Variants in ITGA8 observed in about 807,000 individuals in gnomAD.
ITGA8 encodes the protein integrin subunit alpha 8, also known as integrin alpha-8.
Under a neutral mutation model 142.3 loss-of-function variants are expected in ITGA8, and 91 were observed. That is an observed-to-expected ratio of 0.64 (90% CI 0.54 to 0.76). The LOEUF is 0.76. Ranked by LOEUF, ITGA8 falls within the 30% of genes least tolerant of loss-of-function variation. ITGA8 has a pLI of 0.00. For missense variants in ITGA8, 1,406 were observed against 1,327.7 expected, an observed-to-expected ratio of 1.06 and a Z score of -0.92; for synonymous variants, 505 against 485.2, an observed-to-expected ratio of 1.04 and a Z score of -0.54.
At chr10:15,666,912 C>T (rs529819066) in intron 8 of ITGA8, among the ~76,000 whole-genome samples, 12 of 152,228 alleles carry the variant, frequency 7.9e-5, no homozygotes, top group South Asian at 6.2e-4. Flanking sequence ...CTGCTGGATT[C>T]GGTTTGCCAG....
chr10:15,604,358 A>G lies in ITGA8; in HGVS notation c.1971-3T>C, dbSNP rs202233017. The G allele has an allele frequency of 1.9e-3, 3,002 of 1,603,860 alleles. 6 individuals are homozygous for G. Among genetic ancestry groups the G allele is most frequent in the Non-Finnish European group, 2.3e-3 (2,731 of 1,176,272 alleles). On this transcript the variant is annotated splice_polypyrimidine_tract_variant and splice_region_variant and intron_variant, in intron 19 of 29. Coordinates refer to ENST00000378076, the MANE Select transcript of ITGA8 (RefSeq NM_003638.3). ...CAATGATTACCTGATGCTTATCTCT[A>G]AAAATGCAGTTTAAAAAGAAGGATT...
At chr10:15,570,436 C>T (rs998483550) in intron 25 of ITGA8, among the ~76,000 whole-genome samples, 3 of 147,282 alleles carry the variant, frequency 2.0e-5, no homozygotes, top group Non-Finnish European at 4.4e-5. Flanking sequence ...GGTGAAACCC[C>T]GTTTCTACTA....
intron 6 of ITGA8, 50 bp from the exon 7 acceptor site, chr10:15,672,799 C>T (rs777137317): frequency 1.3e-6 from 2 of 1,522,226 alleles, no homozygotes; most frequent in Non-Finnish European, 1.8e-6. Context: ...AAGAGGCAGG[C>T]CCTCCATGAG....
rs67683436 is a variant in ITGA8 at position 15,549,201 on chromosome 10, G to GTTTTTTTTTTT, written c.2767-644_2767-634dup. On this transcript the variant is annotated intron_variant, in intron 26 of 29. Transcript: ENST00000378076. Reference sequence around the variant, plus strand: ...TTCTTTCTTTTTTCTTTTCTTTTCTGTTTTTTTTTTTTTTTTTTTTTTTTT... The same window carrying GTTTTTTTTTTT: ...TTCTTTCTTTTTTCTTTTCTTTTCTGTTTTTTTTTTTTTTTTTTTTTTTTTTTTTTTTTTTT... Among the ~76,000 whole-genome samples the GTTTTTTTTTTT allele has an allele frequency of 1.0e-3, 108 of 107,272 alleles. 11 individuals are homozygous for GTTTTTTTTTTT. The highest frequency in any genetic ancestry group is 3.6e-3 in the African/African-American group (68 of 18,642). The allele number at this position is 107,272 out of a possible 152,430, so 70.4% of individuals were successfully genotyped here.
chr10:15,630,081 C>T (rs1289752994), intron 13 of ITGA8, among the ~76,000 whole-genome samples: 2 of 152,150 alleles, frequency 1.3e-5, no homozygotes, highest in East Asian at 3.9e-4. Context: ...GAAGGCAGAA[C>T]TAGGGTCAAG....
chr10:15,688,323 A>AT (rs397800368), intron 2 of ITGA8, among the ~76,000 whole-genome samples: 4 of 147,684 alleles, frequency 2.7e-5, no homozygotes, highest in South Asian at 4.3e-4. Context: ...AAAAAAAAAA[A>AT]TGCTGGGCGT....
At chr10:15,555,144 A>T (rs991013752) in intron 26 of ITGA8, among the ~76,000 whole-genome samples, 1 of 152,218 alleles carries the variant, frequency 6.6e-6, no homozygotes, top group South Asian at 2.1e-4. Flanking sequence ...TATTCATGTC[A>T]TAACATTTTA....
chr10:15,682,858 A>G (rs1834763640), intron 4 of ITGA8, among the ~76,000 whole-genome samples: 1 of 150,586 alleles, frequency 6.6e-6, no homozygotes, highest in Admixed American at 6.6e-5. Flanking sequence ...TGTCTCAAAA[A>G]AAAAAAAAAA....
In ITGA8 at chr10:15,608,261, G is replaced by T; in HGVS notation, c.1583C>A (p.Thr528Lys). The T allele has an allele frequency of 6.3e-7, 1 of 1,597,188 alleles. No homozygotes were observed. The change falls in exon 16 of 30, where the codon ACA (threonine) becomes AAA (lysine). Residue 528 changes from threonine (T) to lysine (K), a missense_variant. Thr to Lys is a moderately conservative substitution (Grantham distance 78). Transcript: ENST00000378076. ...CFSLRVCASV[T>K]GQSIANTIVL... ...TATTGTGTTTGCAATGCTCTGGCCTGTGACAGATGCACATACTCTTAAAGA... is the reference window on the plus strand; with the variant it reads ...TATTGTGTTTGCAATGCTCTGGCCTTTGACAGATGCACATACTCTTAAAGA...
intron 19 of ITGA8, 95 bp downstream of exon 19, chr10:15,605,629 A>G: frequency 3.1e-6 from 3 of 965,098 alleles, no homozygotes; most frequent in Non-Finnish European, 3.3e-6. Context: ...AGTTTTTGGT[A>G]GTTATTGGAA....
chr10:15,538,512 G>GGAAAAA (rs774937360), intron 27 of ITGA8, among the ~76,000 whole-genome samples: 1 of 98,588 alleles, frequency 1.0e-5, no homozygotes, highest in Non-Finnish European at 1.9e-5. Flanking sequence ...ACTCCGTCTC[G>GGAAAAA]AAAAAAAAAA....
intron 26 of ITGA8, among the ~76,000 whole-genome samples, chr10:15,555,337 G>C (rs1208626829): frequency 1.3e-5 from 2 of 152,198 alleles, no homozygotes; most frequent in Non-Finnish European, 2.9e-5. Context: ...TATTAATACT[G>C]TCTGTGATGA....
intron 26 of ITGA8, among the ~76,000 whole-genome samples, chr10:15,552,230 G>A (rs1364818235): frequency 6.6e-6 from 1 of 151,796 alleles, no homozygotes; most frequent in Non-Finnish European, 1.5e-5. Context: ...TCCGCCTCCC[G>A]GGTTCACGCC....
intron 12 of ITGA8, 105 bp from the exon 13 acceptor site, chr10:15,644,326 G>C: frequency 9.1e-7 from 1 of 1,093,112 alleles, no homozygotes; most frequent in Non-Finnish European, 1.3e-6. Context: ...GGAGTGCAGT[G>C]GTGGGATCAT....
intron 13 of ITGA8, among the ~76,000 whole-genome samples, chr10:15,635,897 G>T (rs1015661641): frequency 3.4e-5 from 5 of 146,866 alleles, no homozygotes; most frequent in Non-Finnish European, 6.0e-5. Flanking sequence ...CGCAGGTTCT[G>T]TGTTACTTGT....
At position 15,561,237 on chromosome 10, in the gene ITGA8, A is replaced by ATG. The variant is rs1554772734; in HGVS notation, c.2638-3036_2638-3035insCA. ...TATATATATATATATATATATATGT[A>ATG]TATATATATATATATATGTATGTAA... is the stretch of plus-strand genomic sequence containing the variant. On this transcript the variant is annotated intron_variant, in intron 25 of 29. Coordinates refer to ENST00000378076, the MANE Select transcript of ITGA8 (RefSeq NM_003638.3). Among the ~76,000 whole-genome samples the ATG allele has an allele frequency of 4.2e-3, 329 of 78,856 alleles. 2 individuals are homozygous for ATG. Among genetic ancestry groups the ATG allele is most frequent in the African/African-American group, 0.025 (283 of 11,222 alleles). 51.7% of individuals were successfully genotyped at this position (78,856 alleles called of 152,430 possible). A position where few individuals can be genotyped will look rare whatever the true frequency, so the allele number is the denominator to read the frequency against.
intron 21 of ITGA8, among the ~76,000 whole-genome samples, chr10:15,595,987 G>T (rs1564366905): frequency 6.6e-6 from 1 of 152,174 alleles, no homozygotes; most frequent in Non-Finnish European, 1.5e-5. Context: ...GGAGGCAGAG[G>T]TTGCGGTGAG....
chr10:15,585,696 C>T (rs1832815732), intron 23 of ITGA8, among the ~76,000 whole-genome samples: 1 of 152,222 alleles, frequency 6.6e-6, no homozygotes, highest in Non-Finnish European at 1.5e-5. Flanking sequence ...GAACTACACA[C>T]AACCCATTTC....
intron 2 of ITGA8, among the ~76,000 whole-genome samples, chr10:15,707,763 C>T (rs997745054): frequency 5.4e-5 from 8 of 148,340 alleles, no homozygotes; most frequent in Non-Finnish European, 1.2e-4. Flanking sequence ...GTGGAGGTTG[C>T]GGTGAGCCTA....
Sources: gnomAD v4.1 joint callset for allele counts (sites outside exome capture counted in the v4.1 genomes callset) on GRCh38, gnomAD v4.1.1 for gene constraint, MANE v1.5 for transcripts, NCBI Gene and HGNC (gene_info 2026-07-23, HGNC 2026-07-21) for gene names.